FBXO25: variants seen among roughly 807,000 people sequenced by gnomAD.
FBXO25 encodes the protein F-box only protein 25.
In FBXO25, 45 loss-of-function variants were observed where a neutral mutation model predicts 51.9. The ratio of observed to expected loss-of-function variants is 0.87; its 90% CI spans 0.68 to 1.11. The LOEUF (loss-of-function observed/expected upper bound fraction) is 1.11, where lower values mean the gene tolerates loss of function less well. Ranked by LOEUF, FBXO25 falls within the 50% of genes most tolerant of loss-of-function variation. The pLI is 0.00. For synonymous variants in FBXO25, 199 were observed against 151.0 expected (o/e 1.32, Z -2.33); for missense variants, 507 against 428.5 (o/e 1.18, Z -1.62).
intron 7 of FBXO25, among the ~76,000 whole-genome samples, chr8:452,982 C>T (rs946281920): frequency 2.6e-5 from 4 of 152,150 alleles, no homozygotes; most frequent in African/African-American, 9.7e-5. Context: ...GTGCATGTGG[C>T]CCCAGCTTGC....
At position 426,340 on chromosome 8, in the gene FBXO25, G is replaced by A. The variant is rs866394916; in HGVS notation, c.135-5001G>A. ...ATCTGTGGCTTATATTTTTTCCCTTGAATATCTTAAATATGTTACTGAACC... is the reference window on the plus strand; with the variant it reads ...ATCTGTGGCTTATATTTTTTCCCTTAAATATCTTAAATATGTTACTGAACC... On this transcript the variant is annotated intron_variant, in intron 2 of 9. Coordinates refer to ENST00000350302, the MANE Select transcript of FBXO25 (RefSeq NM_183420.2). Among the ~76,000 whole-genome samples the A allele has an allele frequency of 7.9e-5, 12 of 151,468 alleles. No individual in the cohort carries two copies. In the East Asian group the frequency reaches 1.2e-3, roughly 15 times the overall value.
intron 2 of FBXO25, 139 bp from the exon 3 acceptor site, chr8:431,202 C>G: frequency 2.0e-6 from 1 of 496,532 alleles, no homozygotes; most frequent in Non-Finnish European, 3.6e-6. Context: ...CAAAATGAAA[C>G]AAAAATGTAT....
rs761615740 is a variant in FBXO25, at chr8:475,740, TTGTTG to T, written c.*6942_*6946del. 8 of 152,184 alleles carry T rather than the reference TTGTTG, an allele frequency of 5.3e-5. No homozygotes were observed. Among genetic ancestry groups the T allele is most frequent in the Non-Finnish European group, 1.2e-4 (8 of 68,014 alleles). 9.4% of individuals were successfully genotyped at this position (152,184 alleles called of 1,614,324 possible). ...GTTATTGTATAGAAATATCATGGATTTGTTGTGTTGATTTTGTAAACTGCAGTGTT... is the reference window on the plus strand; with the variant it reads ...GTTATTGTATAGAAATATCATGGATTTGTTGATTTTGTAAACTGCAGTGTT... On this transcript the variant is annotated 3_prime_UTR_variant, in exon 10 of 10. Transcript: ENST00000350302.
Position 470,651 on chromosome 8 carries a change from G to T in FBXO25, c.*1847G>T, listed in dbSNP as rs1048231309. The T allele has an allele frequency of 6.6e-6, 1 of 152,196 alleles. No homozygotes were observed. Among genetic ancestry groups the T allele is most frequent in the East Asian group, 1.9e-4 (1 of 5,180 alleles). The allele number at this position is 152,196 out of a possible 1,614,324, so 9.4% of individuals were successfully genotyped here. A position where few individuals can be genotyped will look rare whatever the true frequency, so the allele number is the denominator to read the frequency against. ...CTGCCTCAGCTTCCCAAAGTGCTGG[G>T]ATTACAGGCATGAGCCACCACGTCC... On this transcript the variant is annotated 3_prime_UTR_variant, in exon 10 of 10. Coordinates refer to ENST00000350302, the MANE Select transcript of FBXO25 (RefSeq NM_183420.2).
At position 468,671 on chromosome 8, in the gene FBXO25, C is replaced by T. The variant is rs558816597; in HGVS notation, c.988-44C>T. ...CTCAAGCACCATCACTAGAGTGTGG[C>T]TGGTGGTGGGGCCCCCTCCTAACCA... On this transcript the variant is annotated intron_variant, in intron 9 of 9. Transcript: ENST00000350302. 35 of 1,492,828 alleles carry T rather than the reference C, an allele frequency of 2.3e-5. No individual in the cohort carries two copies. The South Asian group carries it at 3.5e-4, about 15-fold the overall frequency. The allele number at this position is 1,492,828 out of a possible 1,614,324, so 92.5% of individuals were successfully genotyped here.
intron 1 of FBXO25, among the ~76,000 whole-genome samples, chr8:410,004 C>G (rs1796392465): frequency 6.6e-6 from 1 of 152,130 alleles, no homozygotes; most frequent in Admixed American, 6.5e-5. Flanking sequence ...GCCCTTTATA[C>G]TTATTCACCC....
chr8:420,745 G>A (rs577940874), intron 2 of FBXO25, among the ~76,000 whole-genome samples: 11 of 152,322 alleles, frequency 7.2e-5, no homozygotes, highest in Admixed American at 6.5e-4. Context: ...CCATAAGGAA[G>A]ACGAACAAAT....
chr8:409,078 A>C (rs890130800), intron 1 of FBXO25, among the ~76,000 whole-genome samples: 38 of 152,150 alleles, frequency 2.5e-4, no homozygotes, highest in African/African-American at 8.4e-4. Flanking sequence ...CTTTAGTAGC[A>C]TTGTTTTCTG....
At chr8:435,586 T>C in intron 4 of FBXO25, 29 bp from the exon 5 acceptor site, 2 of 1,592,084 alleles carry the variant, frequency 1.3e-6, no homozygotes, top group Non-Finnish European at 1.7e-6. Context: ...GCTAATTGAC[T>C]AATTTTAACT....
intron 2 of FBXO25, among the ~76,000 whole-genome samples, chr8:419,710 T>C (rs149041771): frequency 0.058 from 8,862 of 152,266 alleles, 288 homozygotes; most frequent in Middle Eastern, 0.075. Context: ...GTAGAACTTA[T>C]GGAAGAAACC....
rs1407789916 is a variant in FBXO25, at chr8:469,911, C to T, written c.*1107C>T. 1 of 152,134 alleles carries T rather than the reference C, an allele frequency of 6.6e-6. No individual in the cohort carries two copies. The highest frequency in any genetic ancestry group is 2.4e-5 in the African/African-American group (1 of 41,422). 9.4% of individuals were successfully genotyped at this position (152,134 alleles called of 1,614,324 possible). ...AAAAAGATTCTGGATTTTTCAGCCC[C>T]ACTTCTGTGAACTGACACAAATGGC... On this transcript the variant is annotated 3_prime_UTR_variant, in exon 10 of 10. Transcript: ENST00000350302.
intron 5 of FBXO25, among the ~76,000 whole-genome samples, chr8:438,001 C>T (rs1181537600): frequency 6.6e-6 from 1 of 151,166 alleles, no homozygotes; most frequent in African/African-American, 2.4e-5. Flanking sequence ...TCCTTTTTTT[C>T]TAATGGCATT....
chr8:449,334 C>T (rs570910108), intron 5 of FBXO25, among the ~76,000 whole-genome samples: 4 of 152,342 alleles, frequency 2.6e-5, no homozygotes, highest in Non-Finnish European at 4.4e-5. Context: ...GGTGGAGCAG[C>T]GGCGAGGGCC....
intron 5 of FBXO25, among the ~76,000 whole-genome samples, chr8:443,308 T>C (rs1798539822): frequency 6.7e-6 from 1 of 149,470 alleles, no homozygotes; most frequent in Non-Finnish European, 1.5e-5. Flanking sequence ...GATAATAGTC[T>C]GCAAATATCC....
chr8:451,321 A>G lies in FBXO25; in HGVS notation c.528A>G (p.Leu176=), dbSNP rs775530412. 10 of 1,613,286 alleles carry G rather than the reference A, an allele frequency of 6.2e-6. No homozygotes were observed. The highest frequency in any genetic ancestry group is 8.5e-6 in the Non-Finnish European group (10 of 1,179,818). ...TAATCAAAGATCTTCTGCAAGACCT[A>G]AGCTCTACCCTCTGCATTCTTATTA... is the stretch of plus-strand genomic sequence containing the variant. The part of the protein sequence containing the change: ...PRLIKDLLQD[L]SSTLCILIRG... The change falls in exon 7 of 10, where the codon CTA becomes CTG. Residue 176 remains leucine (L), a synonymous_variant. Coordinates refer to ENST00000350302, the MANE Select transcript of FBXO25 (RefSeq NM_183420.2).
At chr8:466,431 G>A (rs1029518859) in intron 9 of FBXO25, among the ~76,000 whole-genome samples, 3 of 152,194 alleles carry the variant, frequency 2.0e-5, no homozygotes, top group African/African-American at 7.2e-5. Flanking sequence ...GCACATAGCT[G>A]GTGCTCAGAA....
chr8:413,667 G>A (rs1054456241), intron 2 of FBXO25, among the ~76,000 whole-genome samples: 3 of 152,178 alleles, frequency 2.0e-5, no homozygotes, highest in Admixed American at 6.5e-5. Context: ...CATCCCAAGA[G>A]TGCAGCCTTA....
intron 5 of FBXO25, among the ~76,000 whole-genome samples, chr8:445,915 C>G (rs1296601311): frequency 6.6e-6 from 1 of 152,190 alleles, no homozygotes; most frequent in Non-Finnish European, 1.5e-5. Flanking sequence ...TGTCTCACAC[C>G]TTGGCACCCT....
intron 5 of FBXO25, among the ~76,000 whole-genome samples, chr8:443,192 T>C (rs1219520890): frequency 1.3e-5 from 2 of 151,298 alleles, no homozygotes; most frequent in Admixed American, 6.6e-5. Context: ...TCAGGGCAGT[T>C]TGAGCACACT....
Sources: allele counts gnomAD v4.1 joint callset (sites outside exome capture counted in the v4.1 genomes callset), GRCh38; gene constraint gnomAD v4.1.1; transcripts MANE v1.5; gene names NCBI Gene and HGNC (gene_info 2026-07-23, HGNC 2026-07-21).